The following MEI4 variants were observed in gnomAD, a reference collection of about 807,000 sequenced individuals.
The protein encoded by MEI4 is meiotic double-stranded break formation protein 4.
Under a neutral mutation model 31.4 loss-of-function variants are expected in MEI4, and 27 were observed. The ratio of observed to expected loss-of-function variants is 0.86; its 90% CI spans 0.63 to 1.19. The LOEUF is 1.19. MEI4 is among the 50% of genes most tolerant of loss of function. The pLI, the probability that MEI4 is intolerant of heterozygous loss-of-function variation, is 0.00. For synonymous variants in MEI4, 122 were observed against 145.4 expected, an observed-to-expected ratio of 0.84 and a Z score of 1.16; for missense variants, 329 against 398.9, an observed-to-expected ratio of 0.82 and a Z score of 1.49.
chr6:77,858,550 C>T (rs2127720299), intron 4 of MEI4, among the ~76,000 whole-genome samples: 1 of 151,872 alleles, frequency 6.6e-6, no homozygotes, highest in East Asian at 1.9e-4. Context: ...TATCAGATTT[C>T]CATAAATATT....
intron 3 of MEI4, among the ~76,000 whole-genome samples, chr6:77,790,358 C>T (rs1416230420): frequency 1.3e-5 from 2 of 151,676 alleles, no homozygotes; most frequent in Admixed American, 1.3e-4. Flanking sequence ...CATATGTAAC[C>T]TGCACGTTGT....
intron 2 of MEI4, among the ~76,000 whole-genome samples, chr6:77,701,474 C>T (rs1172674896): frequency 1.3e-5 from 2 of 151,984 alleles, no homozygotes; most frequent in African/African-American, 4.8e-5. Context: ...ATTACACGGT[C>T]ATTTGATATT....
intron 3 of MEI4, among the ~76,000 whole-genome samples, chr6:77,771,268 A>G (rs1768309469): frequency 6.6e-6 from 1 of 152,170 alleles, no homozygotes; most frequent in African/African-American, 2.4e-5. Context: ...AATGGCTGTT[A>G]TTAAAAAAAT....
At chr6:77,907,190 G>C (rs1562033532) in intron 4 of MEI4, among the ~76,000 whole-genome samples, 1 of 151,868 alleles carries the variant, frequency 6.6e-6, no homozygotes, top group African/African-American at 2.4e-5. Context: ...ATAACATGCA[G>C]GTTTGTTACA....
intron 3 of MEI4, among the ~76,000 whole-genome samples, chr6:77,824,287 T>C (rs1014362513): frequency 2.6e-5 from 4 of 152,086 alleles, no homozygotes; most frequent in Admixed American, 6.6e-5. Context: ...ATGTATTTTG[T>C]GTTTTAGTTC....
intron 3 of MEI4, among the ~76,000 whole-genome samples, chr6:77,772,486 G>T (rs1768342129): frequency 1.3e-5 from 2 of 151,976 alleles, no homozygotes; most frequent in African/African-American, 4.8e-5. Context: ...TTCAATTGGT[G>T]TGGAAAAAGC....
At chr6:77,868,079 G>A (rs963919692) in intron 4 of MEI4, among the ~76,000 whole-genome samples, 1 of 146,464 alleles carries the variant, frequency 6.8e-6, no homozygotes, top group African/African-American at 2.5e-5. Context: ...GGGGTGAGGG[G>A]TGGGAGGAGG....
rs548927343 is a variant in MEI4, at chr6:77,704,396, A to T, written c.232+13493A>T. On this transcript the variant is annotated intron_variant, in intron 2 of 4. Coordinates refer to ENST00000684080, the MANE Select transcript of MEI4 (RefSeq NM_001322247.2). Reference sequence around the variant, plus strand: ...GTCGTCCTCCCCTCTTGCCTTGATTATAGATAAGGAAATGAGGAAAATAAG... The same window carrying T: ...GTCGTCCTCCCCTCTTGCCTTGATTTTAGATAAGGAAATGAGGAAAATAAG... Among the ~76,000 whole-genome samples the T allele has an allele frequency of 2.0e-5, 3 of 152,266 alleles. No homozygotes were observed. In the South Asian group the frequency reaches 6.2e-4, roughly 32 times the overall value.
chr6:77,747,274 T>G (rs1043910027), intron 2 of MEI4, among the ~76,000 whole-genome samples: 2 of 151,970 alleles, frequency 1.3e-5, no homozygotes, highest in Admixed American at 1.3e-4. Context: ...ATTGTGCCAC[T>G]GCACTTCAGC....
In MEI4 at chr6:77,761,314, T is replaced by C; in HGVS notation, c.417T>C (p.Pro139=). ...HFPPLPLVKR[P]CAILQNPLSS... is the part of the protein sequence containing the mutation. ...CACCACTGCCTCTTGTGAAAAGACCTTGTGCTATCCTGCAAAATCCTTTGT... is the reference window on the plus strand; with the variant it reads ...CACCACTGCCTCTTGTGAAAAGACCCTGTGCTATCCTGCAAAATCCTTTGT... The change falls in exon 3 of 5, where the codon CCT becomes CCC. Residue 139 remains proline, a synonymous_variant. Coordinates refer to ENST00000684080, the MANE Select transcript of MEI4 (RefSeq NM_001322247.2). The C allele has an allele frequency of 8.1e-7, 1 of 1,232,630 alleles. No individual in the cohort carries two copies. The highest frequency in any genetic ancestry group is 1.0e-6 in the Non-Finnish European group (1 of 988,054). The allele number at this position is 1,232,630 out of a possible 1,614,324, so 76.4% of individuals were successfully genotyped here.
chr6:77,871,218 A>G lies in MEI4; in HGVS notation c.900+42156A>G, dbSNP rs79249844. On this transcript the variant is annotated intron_variant, in intron 4 of 4. Coordinates refer to ENST00000684080, the MANE Select transcript of MEI4 (RefSeq NM_001322247.2). ...AATAAAGAGAAACCAGGACTTTTTC[A>G]GGACCATAGAGCAAGTGGCAAAACC... Among the ~76,000 whole-genome samples the G allele has an allele frequency of 8.7e-3, 1,331 of 152,248 alleles. 19 individuals are homozygous for G. Among genetic ancestry groups the G allele is most frequent in the African/African-American group, 0.03 (1,266 of 41,544 alleles).
chr6:77,847,819 GA>G lies in MEI4; in HGVS notation c.900+18759del, dbSNP rs1366507847. On this transcript the variant is annotated intron_variant, in intron 4 of 4. Transcript: ENST00000684080. The surrounding 1 kb of genome is among the most constrained non-coding windows in gnomAD (Gnocchi z 4.6). ...TCACCTATGAAAGAATGTGTTGATT[GA>G]ATGAGGATTTTCACTTTAAATAAAA... 6.6e-6 allele frequency among the ~76,000 whole-genome samples: 1 copy of G among 151,994 alleles called. No homozygotes were observed. The highest frequency in any genetic ancestry group is 1.5e-5 in the Non-Finnish European group (1 of 67,990).
intron 4 of MEI4, among the ~76,000 whole-genome samples, chr6:77,889,463 TGA>T (rs1771705085): frequency 6.6e-6 from 1 of 152,138 alleles, no homozygotes; most frequent in South Asian, 2.1e-4. Flanking sequence ...ACTTTGAATT[TGA>T]GAGAGATGAT....
At chr6:77,882,601 G>T (rs1207152063) in intron 4 of MEI4, among the ~76,000 whole-genome samples, 1 of 152,080 alleles carries the variant, frequency 6.6e-6, no homozygotes, top group African/African-American at 2.4e-5. Flanking sequence ...TCTGATGTGC[G>T]TTGAGAGGAT....
intron 3 of MEI4, among the ~76,000 whole-genome samples, chr6:77,784,181 G>C (rs966275371): frequency 6.6e-6 from 1 of 152,098 alleles, no homozygotes; most frequent in Non-Finnish European, 1.5e-5. Context: ...ATTGTTCATG[G>C]AGAACCACTG....
intron 1 of MEI4, among the ~76,000 whole-genome samples, chr6:77,686,166 G>C (rs889389172): frequency 6.6e-6 from 1 of 152,128 alleles, no homozygotes; most frequent in Admixed American, 6.6e-5. Flanking sequence ...AGCTGGCACC[G>C]TGCCTCTCTA....
chr6:77,786,572 C>A (rs758811346), intron 3 of MEI4, among the ~76,000 whole-genome samples: 2 of 151,452 alleles, frequency 1.3e-5, no homozygotes, highest in African/African-American at 4.9e-5. Context: ...TGTAATAAGA[C>A]GGGAAAAAGA....
intron 4 of MEI4, among the ~76,000 whole-genome samples, chr6:77,853,509 G>T (rs1477318876): frequency 6.6e-6 from 1 of 152,090 alleles, no homozygotes; most frequent in African/African-American, 2.4e-5. Context: ...CAGTTCTTTT[G>T]TTATAAGTCA....
intron 1 of MEI4, among the ~76,000 whole-genome samples, chr6:77,663,710 C>T (rs1356276702): frequency 3.9e-5 from 6 of 152,104 alleles, no homozygotes; most frequent in Non-Finnish European, 8.8e-5. Context: ...GGGTAGCCTC[C>T]GTATTGATTA....
Sources: allele counts gnomAD v4.1 joint callset (sites outside exome capture counted in the v4.1 genomes callset), GRCh38; gene constraint gnomAD v4.1.1; non-coding constraint Gnocchi (gnomAD v3.1); transcripts MANE v1.5; gene names NCBI Gene and HGNC (gene_info 2026-07-23, HGNC 2026-07-21).